Variants in CACNA1C observed in about 807,000 individuals in gnomAD.
CACNA1C encodes voltage-dependent L-type calcium channel subunit alpha-1C.
CACNA1C carries 30 observed loss-of-function variants against 229.0 expected under a neutral mutation model. That is an observed-to-expected ratio of 0.13 (90% CI 0.10 to 0.18). The LOEUF (loss-of-function observed/expected upper bound fraction) is 0.18, where lower values mean the gene tolerates loss of function less well. Among genes scored for constraint, CACNA1C ranks in the 10% least tolerant of loss-of-function variants. The pLI is 1.00. For missense variants in CACNA1C, 1,658 were observed against 2,845.0 expected (o/e 0.58, Z 9.49); for synonymous variants, 1,114 against 1,132.5 (o/e 0.98, Z 0.33).
At chr12:2,555,883 C>T (rs1013414516) in intron 10 of CACNA1C, among the ~76,000 whole-genome samples, 1 of 152,128 alleles carries the variant, frequency 6.6e-6, no homozygotes, top group African/African-American at 2.4e-5. Context: ...CGCGCTGGGA[C>T]GTCGCAGGCC....
rs114139824 is a variant in CACNA1C at position 2,605,744 on chromosome 12, G to C, written c.3114G>C (p.Leu1038=). 1,788 of 1,614,058 alleles carry C rather than the reference G, an allele frequency of 1.1e-3. 23 individuals carry two copies. The African/African-American group carries it at 0.019, about 17-fold the overall frequency. The change falls in exon 24 of 47, where the codon CTG becomes CTC. Residue 1038 remains leucine (L), a synonymous_variant. Transcript: ENST00000399655. This position sits in a 1 kb window ranked among gnomAD's most constrained non-coding sequence, Gnocchi z 6.2. ...TIGNIVIVTT[L]LQFMFACIGV... ...GGAACATCGTGATTGTCACCACCCT[G>C]CTGCAGTTCATGTTTGCCTGCATCG...
chr12:2,053,879 C>T lies in CACNA1C; in HGVS notation c.49+268C>T, dbSNP rs536632940. On this transcript the variant is annotated intron_variant, in intron 1 of 46. Coordinates refer to ENST00000399655, the MANE Select transcript of CACNA1C (RefSeq NM_000719.7). The surrounding 1 kb of genome is among the most constrained non-coding windows in gnomAD (Gnocchi z 5.8). Reference sequence around the variant, plus strand: ...CATGTGTTTCCTGTGAAATTCCAGGCGAGGGGGGAAAAGTTCCCCAAGTGG... The same window carrying T: ...CATGTGTTTCCTGTGAAATTCCAGGTGAGGGGGGAAAAGTTCCCCAAGTGG... Among the ~76,000 whole-genome samples, 26 of 148,904 alleles carry T rather than the reference C, an allele frequency of 1.7e-4. No individual in the cohort carries two copies. Among genetic ancestry groups the T allele is most frequent in the African/African-American group, 5.9e-4 (24 of 40,718 alleles).
At chr12:2,137,286 T>G (rs1436546825) in intron 3 of CACNA1C, among the ~76,000 whole-genome samples, 1 of 151,252 alleles carries the variant, frequency 6.6e-6, no homozygotes, top group Non-Finnish European at 1.5e-5. Flanking sequence ...TCACTTCACT[T>G]CTCTGAGTTT....
In CACNA1C at chr12:2,597,900, C is replaced by G. The variant is rs1459504813; in HGVS notation, c.2853+611C>G. On this transcript the variant is annotated intron_variant, in intron 21 of 46. Transcript: ENST00000399655. This position sits in a 1 kb window ranked among gnomAD's most constrained non-coding sequence, Gnocchi z 4.3. ...CTTCCCTCCTCCTGCTTCATACACT[C>G]TGAAAGTGGGAAACCTCCTGGGGCG... 6.6e-6 allele frequency among the ~76,000 whole-genome samples: 1 copy of G among 152,210 alleles called. No individual in the cohort carries two copies. Among genetic ancestry groups the G allele is most frequent in the African/African-American group, 2.4e-5 (1 of 41,460 alleles).
At chr12:2,655,546 G>A (rs931412405) in intron 34 of CACNA1C, among the ~76,000 whole-genome samples, 26 of 152,204 alleles carry the variant, frequency 1.7e-4, no homozygotes, top group Admixed American at 8.5e-4. Context: ...CTGCCGACAC[G>A]CTTTGTGACC....
In CACNA1C at chr12:2,632,200, G is replaced by A. The variant is rs542168837; in HGVS notation, c.3829-2097G>A. Among the ~76,000 whole-genome samples the A allele has an allele frequency of 1.3e-5, 2 of 152,162 alleles. No homozygotes were observed. The highest frequency in any genetic ancestry group is 2.1e-4 in the South Asian group (1 of 4,812). ...TTCGCAGACCATTTCTAAACTAAAG[G>A]CGTGAATGTTTTTTCTTAAAGAAGA... On this transcript the variant is annotated intron_variant, in intron 29 of 46. Transcript: ENST00000399655. The surrounding 1 kb of genome is among the most constrained non-coding windows in gnomAD (Gnocchi z 4.1).
In CACNA1C at chr12:2,677,196, C is replaced by T. The variant is rs376642156; in HGVS notation, c.4931C>T (p.Ser1644Phe). 4.3e-6 allele frequency: 7 copies of T among 1,613,746 alleles called. No homozygotes were observed. The highest frequency in any genetic ancestry group is 2.7e-5 in the African/African-American group (2 of 75,064). The change falls in exon 40 of 47, where the codon TCC (serine) becomes TTC (phenylalanine). Residue 1644 changes from serine to phenylalanine, a missense_variant. Around this residue, in one of 20 missense-constraint regions of CACNA1C, gnomAD observed 590 missense variants for 700.8 expected, o/e 0.84. Transcript: ENST00000399655. This position sits in a 1 kb window ranked among gnomAD's most constrained non-coding sequence, Gnocchi z 7.4. ...GAGCAGGGCCTTGTGGGCAAGCCCTCCCAGAGGAACGCGCTGTCTCTGCAG... is the reference window on the plus strand; with the variant it reads ...GAGCAGGGCCTTGTGGGCAAGCCCTTCCAGAGGAACGCGCTGTCTCTGCAG... Reference protein sequence around the residue: ...RKEQGLVGKPSQRNALSLQAG... With the variant: ...RKEQGLVGKPFQRNALSLQAG...
At chr12:2,362,194 C>T (rs1051972639) in intron 3 of CACNA1C, among the ~76,000 whole-genome samples, 3 of 152,150 alleles carry the variant, frequency 2.0e-5, no homozygotes, top group African/African-American at 7.2e-5. Flanking sequence ...TACGGTGTAG[C>T]CCCAGCTCTG....
rs1296936169 is a variant in CACNA1C, at chr12:2,688,656, C to T, written c.5994C>T (p.Thr1998=). The T allele has an allele frequency of 6.2e-7, 1 of 1,613,720 alleles. No individual in the cohort carries two copies. The highest frequency in any genetic ancestry group is 8.5e-7 in the Non-Finnish European group (1 of 1,179,818). Residue 1998 remains threonine (T), a synonymous_variant, in exon 46 of 47, where the codon ACC becomes ACT. Transcript: ENST00000399655. ...TCCACTGCGGCTCCTGGGCTGAGAC[C>T]ACCCCCGGTGGCGGGGGCAGCAGCG... ...PSIHCGSWAE[T]TPGGGGSSAA... is the part of the protein sequence containing the mutation.
intron 1 of CACNA1C, among the ~76,000 whole-genome samples, chr12:1,989,461 T>A (rs946008125): frequency 6.6e-6 from 1 of 152,206 alleles, no homozygotes; most frequent in Non-Finnish European, 1.5e-5. Context: ...ACGCCTATAA[T>A]CCCAGCCCTT....
intron 29 of CACNA1C, among the ~76,000 whole-genome samples, chr12:2,625,529 G>A (rs1007465451): frequency 7.2e-5 from 11 of 152,126 alleles, no homozygotes; most frequent in South Asian, 6.2e-4. Flanking sequence ...CACAGGCTGC[G>A]GGCAGTACAG....
Position 2,608,577 on chromosome 12 carries a change from G to T in CACNA1C, c.3423G>T (p.Glu1141Asp). The part of the protein sequence containing the change: ...DKGPIYNYRV[E>D]ISIFFIIYII... ...GCCCCATCTACAACTACCGTGTGGA[G>T]ATCTCCATCTTCTTCATCATCTACA... is the stretch of plus-strand genomic sequence containing the variant. Residue 1141 changes from glutamate to aspartate, a missense_variant, in exon 27 of 47, where the codon GAG becomes GAT. Coordinates refer to ENST00000399655, the MANE Select transcript of CACNA1C (RefSeq NM_000719.7). This position sits in a 1 kb window ranked among gnomAD's most constrained non-coding sequence, Gnocchi z 4.2. The T allele has an allele frequency of 6.2e-7, 1 of 1,613,884 alleles. No homozygotes were observed. The highest frequency in any genetic ancestry group is 8.5e-7 in the Non-Finnish European group (1 of 1,179,804).
At chr12:2,049,447 A>G (rs1594362487), upstream of CACNA1C, 1 of 152,238 alleles carries the variant, frequency 6.6e-6, no homozygotes, top group African/African-American at 2.4e-5. Context: ...TCTTACAAAT[A>G]TACTGTAATT....
chr12:2,595,390 T>C lies in CACNA1C; in HGVS notation c.2664-484T>C, dbSNP rs1307072457. Reference sequence around the variant, plus strand: ...TATCACTGAGTGCCTAGAAGCTCAGTTGGGTAATTGTGCTGGGGCATGGAA... The same window carrying C: ...TATCACTGAGTGCCTAGAAGCTCAGCTGGGTAATTGTGCTGGGGCATGGAA... On this transcript the variant is annotated intron_variant, in intron 19 of 46. Coordinates refer to ENST00000399655, the MANE Select transcript of CACNA1C (RefSeq NM_000719.7). The surrounding 1 kb of genome is among the most constrained non-coding windows in gnomAD (Gnocchi z 4.1). 6.6e-6 allele frequency among the ~76,000 whole-genome samples: 1 copy of C among 152,146 alleles called. No individual in the cohort carries two copies. Among genetic ancestry groups the C allele is most frequent in the South Asian group, 2.1e-4 (1 of 4,822 alleles).
intron 1 of CACNA1C, chr12:2,004,411 G>A (rs1252333790): frequency 1.2e-6 from 2 of 1,610,378 alleles, no homozygotes; most frequent in Non-Finnish European, 1.7e-6. Flanking sequence ...CCACCAGGCC[G>A]CCTGCCGCCA....
intron 1 of CACNA1C, among the ~76,000 whole-genome samples, chr12:2,036,089 T>C (rs1217681087): frequency 5.3e-5 from 8 of 152,246 alleles, no homozygotes; most frequent in Admixed American, 5.2e-4. Flanking sequence ...TCCCAAGGAC[T>C]TCTCAAATGT....
intron 13 of CACNA1C, among the ~76,000 whole-genome samples, chr12:2,578,147 C>T (rs920035135): frequency 3.4e-4 from 51 of 152,148 alleles, no homozygotes; most frequent in African/African-American, 1.1e-3. Flanking sequence ...GGATTACAGG[C>T]GTGAGCCACC....
At chr12:2,373,145 A>G (rs548132564) in intron 3 of CACNA1C, among the ~76,000 whole-genome samples, 1 of 152,324 alleles carries the variant, frequency 6.6e-6, no homozygotes, top group East Asian at 1.9e-4. Flanking sequence ...AGGAGGATCC[A>G]TGATTTTCCC....
intron 7 of CACNA1C, among the ~76,000 whole-genome samples, chr12:2,500,213 T>C (rs558531955): frequency 6.6e-6 from 1 of 152,250 alleles, no homozygotes; most frequent in Admixed American, 6.5e-5. Context: ...AAAGCAGCAG[T>C]GTGGGACGGC....
Sources: allele counts gnomAD v4.1 joint callset (sites outside exome capture counted in the v4.1 genomes callset), GRCh38; gene constraint gnomAD v4.1.1; regional missense constraint gnomAD v4.1.1; non-coding constraint Gnocchi (gnomAD v3.1); transcripts MANE v1.5; gene names NCBI Gene and HGNC (gene_info 2026-07-23, HGNC 2026-07-21).